The following OGDH variants were observed in gnomAD, a reference collection of about 807,000 sequenced individuals.
OGDH encodes the protein 2-oxoglutarate dehydrogenase complex component E1.
A neutral mutation model predicts 116.6 loss-of-function variants in OGDH; 38 were observed. The observed-to-expected ratio is 0.33, with a 90% CI of 0.25 to 0.43. The LOEUF (loss-of-function observed/expected upper bound fraction) is 0.43. Among genes scored for constraint, OGDH ranks in the 20% least tolerant of loss-of-function variants. The probability of loss-of-function intolerance (pLI) is 1.00; values close to 1 mark genes in which losing one functional copy is unlikely to be tolerated. For missense variants in OGDH, 825 were observed against 1,357.2 expected, an observed-to-expected ratio of 0.61 and a Z score of 6.16; for synonymous variants, 488 against 533.3, an observed-to-expected ratio of 0.92 and a Z score of 1.17.
intron 10 of OGDH, among the ~76,000 whole-genome samples, chr7:44,685,597 A>AT (rs1788094690): frequency 6.6e-6 from 1 of 151,916 alleles, no homozygotes; most frequent in Admixed American, 6.6e-5. Context: ...GTCTGTCCAT[A>AT]TATCTCTTTG....
At chr7:44,661,425 T>C (rs748145274) in intron 4 of OGDH, among the ~76,000 whole-genome samples, 1 of 152,196 alleles carries the variant, frequency 6.6e-6, no homozygotes, top group Non-Finnish European at 1.5e-5. Flanking sequence ...TGTCTTCTAT[T>C]TAATATATTT....
chr7:44,613,802 C>CTTTTTT (rs11397029), intron 1 of OGDH, among the ~76,000 whole-genome samples: 2 of 106,374 alleles, frequency 1.9e-5, no homozygotes, highest in Non-Finnish European at 3.6e-5. Context: ...AGCCACCTGG[C>CTTTTTT]TTTTTTTTTT....
chr7:44,635,717 T>G (rs578147727), intron 2 of OGDH, among the ~76,000 whole-genome samples: 5 of 152,150 alleles, frequency 3.3e-5, no homozygotes, highest in African/African-American at 1.2e-4. Flanking sequence ...ATTTTTTTTT[T>G]TTTTTCGAGA....
intron 1 of OGDH, among the ~76,000 whole-genome samples, chr7:44,618,788 TAAAG>T (rs1784901012): frequency 1.3e-5 from 2 of 152,150 alleles, no homozygotes; most frequent in South Asian, 4.1e-4. Flanking sequence ...GAGCCGGCAA[TAAAG>T]AAATTCTCTG....
chr7:44,614,183 G>T (rs1784677664), intron 1 of OGDH, among the ~76,000 whole-genome samples: 1 of 149,436 alleles, frequency 6.7e-6, no homozygotes, highest in African/African-American at 2.5e-5. Flanking sequence ...CAAACCCCTA[G>T]GCAAGCTATC....
chr7:44,674,386 C>T, intron 6 of OGDH, 25 bp from the exon 7 acceptor site: 10 of 1,613,704 alleles, frequency 6.2e-6, no homozygotes, highest in Non-Finnish European at 8.5e-6. Flanking sequence ...CATTGCCCTT[C>T]AAGGTGGCTT....
At chr7:44,638,859 A>G (rs1166931779) in intron 2 of OGDH, among the ~76,000 whole-genome samples, 1 of 152,194 alleles carries the variant, frequency 6.6e-6, no homozygotes, top group Non-Finnish European at 1.5e-5. Context: ...TTCTTTTTGA[A>G]GGGGCTTCTG....
chr7:44,662,165 G>T lies in OGDH; in HGVS notation c.518-4571G>T, dbSNP rs182244232. Among the ~76,000 whole-genome samples, 942 of 152,262 alleles carry T rather than the reference G, an allele frequency of 6.2e-3. 6 individuals carry two copies. The highest frequency in any genetic ancestry group is 0.03 in the South Asian group (143 of 4,824). On this transcript the variant is annotated intron_variant, in intron 4 of 22. Transcript: ENST00000222673. Reference sequence around the variant, plus strand: ...AAACATAATTTAGAAGACCCAAGAGGAGGAGAATCTGATGTATTTACCCAG... The same window carrying T: ...AAACATAATTTAGAAGACCCAAGAGTAGGAGAATCTGATGTATTTACCCAG...
At chr7:44,618,578 A>G (rs995054591) in intron 1 of OGDH, among the ~76,000 whole-genome samples, 14 of 152,202 alleles carry the variant, frequency 9.2e-5, no homozygotes, top group African/African-American at 3.1e-4. Context: ...GTATTTTGTT[A>G]AAGTATTTCT....
At chr7:44,689,750 G>A (rs1168217407) in intron 10 of OGDH, among the ~76,000 whole-genome samples, 4 of 151,888 alleles carry the variant, frequency 2.6e-5, no homozygotes, top group Non-Finnish European at 5.9e-5. Flanking sequence ...TTTTTGACTG[G>A]ATTGTCTTTT....
At chr7:44,677,730 C>T (rs554155942) in intron 9 of OGDH, among the ~76,000 whole-genome samples, 10 of 151,936 alleles carry the variant, frequency 6.6e-5, no homozygotes, top group East Asian at 3.9e-4. Context: ...AAAAATTAGC[C>T]GGGCATGGTG....
At chr7:44,660,581 T>C (rs1469804849) in intron 4 of OGDH, among the ~76,000 whole-genome samples, 1 of 152,158 alleles carries the variant, frequency 6.6e-6, no homozygotes, top group Non-Finnish European at 1.5e-5. Flanking sequence ...GTTTCATGGG[T>C]GCTTGAAAAG....
At chr7:44,624,856 AAAG>A (rs143580435) in intron 2 of OGDH, among the ~76,000 whole-genome samples, 18,617 of 152,082 alleles carry the variant, frequency 0.12, 2,203 homozygotes, top group East Asian at 0.44. Context: ...GCCGCTGAAG[AAAG>A]AAGAAAGAAA....
At chr7:44,621,858 A>AGCCT (rs1785022499) in intron 1 of OGDH, among the ~76,000 whole-genome samples, 5 of 145,310 alleles carry the variant, frequency 3.4e-5, no homozygotes, top group African/African-American at 1.2e-4. Flanking sequence ...ACTACAGAGC[A>AGCCT]AGACTCCGTA....
At chr7:44,612,770 C>T (rs1480508380) in intron 1 of OGDH, among the ~76,000 whole-genome samples, 3 of 152,198 alleles carry the variant, frequency 2.0e-5, no homozygotes, top group Non-Finnish European at 1.5e-5. Flanking sequence ...TATCACAGCT[C>T]ACTGCAGCCT....
At chr7:44,672,645 T>G (rs1160958438) in intron 5 of OGDH, among the ~76,000 whole-genome samples, 9 of 113,388 alleles carry the variant, frequency 7.9e-5, no homozygotes, top group East Asian at 7.3e-4. Flanking sequence ...TTGTTTTTTG[T>G]TTTTTTTTTT....
At chr7:44,618,484 T>C (rs1355880071) in intron 1 of OGDH, among the ~76,000 whole-genome samples, 1 of 152,212 alleles carries the variant, frequency 6.6e-6, no homozygotes, top group African/African-American at 2.4e-5. Context: ...TTCTGGAATG[T>C]GATATTATTA....
intron 2 of OGDH, among the ~76,000 whole-genome samples, chr7:44,624,879 T>C (rs543888171): frequency 6.6e-6 from 1 of 152,300 alleles, no homozygotes; most frequent in Admixed American, 6.5e-5. Flanking sequence ...AGAAAGTGTG[T>C]GGAAAAGAGC....
intron 1 of OGDH, chr7:44,622,661 G>A (rs1210849848): frequency 6.6e-6 from 1 of 152,120 alleles, no homozygotes; most frequent in Non-Finnish European, 1.5e-5. Flanking sequence ...TTATTTCTGG[G>A]TAATTCACAC....
Sources: gnomAD v4.1 joint callset for allele counts (sites outside exome capture counted in the v4.1 genomes callset) on GRCh38, gnomAD v4.1.1 for gene constraint, MANE v1.5 for transcripts, NCBI Gene and HGNC (gene_info 2026-07-23, HGNC 2026-07-21) for gene names.